The following DPP8 variants were observed in gnomAD, a reference collection of about 807,000 sequenced individuals.
DPP8 encodes the protein DPP VIII.
Under a neutral mutation model 107.5 loss-of-function variants are expected in DPP8, and 31 were observed. That is an observed-to-expected ratio of 0.29 (90% CI 0.22 to 0.39). The LOEUF (loss-of-function observed/expected upper bound fraction) is 0.39. Ranked by LOEUF, DPP8 falls within the 10% of genes least tolerant of loss-of-function variation. DPP8 has a pLI of 1.00. For synonymous variants in DPP8, 381 were observed against 356.6 expected, an observed-to-expected ratio of 1.07 and a Z score of -0.77; for missense variants, 842 against 1,076.1, an observed-to-expected ratio of 0.78 and a Z score of 3.04.
At chr15:65,492,384 T>C (rs1034251387) in intron 5 of DPP8, among the ~76,000 whole-genome samples, 3 of 152,134 alleles carry the variant, frequency 2.0e-5, no homozygotes, top group Non-Finnish European at 2.9e-5. Flanking sequence ...TGTGTTTTTA[T>C]TTCTAAGTAA....
chr15:65,480,199 C>T, intron 10 of DPP8, 23 bp downstream of exon 10: 2 of 1,585,218 alleles, frequency 1.3e-6, no homozygotes, highest in Non-Finnish European at 1.7e-6. Context: ...AATATTTAAA[C>T]AAATACAGGA....
In DPP8 at chr15:65,480,520, A is replaced by G. The variant is rs1340572084; in HGVS notation, c.1119-121T>C. 1.6e-5 allele frequency: 9 copies of G among 578,084 alleles called. No homozygotes were observed. The Admixed American group carries it at 2.5e-4, about 16-fold the overall frequency. The allele number at this position is 578,084 out of a possible 1,614,324, so 35.8% of individuals were successfully genotyped here. A position where few individuals can be genotyped will look rare whatever the true frequency, so the allele number is the denominator to read the frequency against. ...GTAATCACCATGAAAGAACTGCTTT[A>G]GTGTATATTAAATTATCACTTACAA... On this transcript the variant is annotated intron_variant, in intron 9 of 19. Coordinates refer to ENST00000300141, the MANE Select transcript of DPP8 (RefSeq NM_130434.5).
At chr15:65,464,656 C>A (rs969872831) in intron 14 of DPP8, among the ~76,000 whole-genome samples, 1 of 152,200 alleles carries the variant, frequency 6.6e-6, no homozygotes, top group African/African-American at 2.4e-5. Context: ...CGCCACTGCA[C>A]TCCAGCCTGA....
chr15:65,504,479 G>C (rs1404924130), intron 3 of DPP8, among the ~76,000 whole-genome samples: 1 of 151,710 alleles, frequency 6.6e-6, no homozygotes, highest in Admixed American at 6.6e-5. Flanking sequence ...AGACCATCCT[G>C]GCCAACATGG....
chr15:65,490,767 A>G (rs1293315907), intron 5 of DPP8, among the ~76,000 whole-genome samples: 1 of 152,126 alleles, frequency 6.6e-6, no homozygotes, highest in South Asian at 2.1e-4. Context: ...CATCTCATTC[A>G]GTTGGAGCAG....
chr15:65,451,106 T>A lies in DPP8; in HGVS notation c.2419A>T (p.Asn807Tyr). 1 of 1,601,230 alleles carries A rather than the reference T, an allele frequency of 6.2e-7. No homozygotes were observed. Among genetic ancestry groups the A allele is most frequent in the Non-Finnish European group, 8.6e-7 (1 of 1,169,178 alleles). Residue 807 changes from asparagine (N) to tyrosine (Y), a missense_variant, in exon 19 of 20, where the codon AAT becomes TAT. Physicochemically the swap from Asn to Tyr is moderately radical, Grantham distance 143. This residue lies in a region of DPP8 where 179 missense variants were observed against 318.0 expected (regional missense o/e 0.56). Transcript: ENST00000300141. ...AAACCATGTAAGAGCAGTAAACGAT[T>A]TGGTCTGGAGAAATGGAAATATTAG... ...MQAEKFPSEP[N>Y]RLLLLHGFLD...
intron 16 of DPP8, among the ~76,000 whole-genome samples, chr15:65,454,644 A>G (rs1228177132): frequency 6.6e-6 from 1 of 152,178 alleles, no homozygotes; most frequent in Non-Finnish European, 1.5e-5. Context: ...CTCCTGCCTC[A>G]GCCTCCCAAG....
At position 65,510,013 on chromosome 15, in the gene DPP8, C is replaced by A. The variant is rs570891456; in HGVS notation, c.259+2282G>T. ...TCCAGCCTGGGCAACAGAGTGAGAC[C>A]GCCATCTCAAAAAAAACAAAAAACA... On this transcript the variant is annotated intron_variant, in intron 2 of 19. Transcript: ENST00000300141. Among the ~76,000 whole-genome samples, 3 of 151,066 alleles carry A rather than the reference C, an allele frequency of 2.0e-5. No individual in the cohort carries two copies. In the South Asian group the frequency reaches 6.3e-4, roughly 32 times the overall value.
chr15:65,496,933 AGGCTGGAGTGCAGT>A (rs1474198699), intron 5 of DPP8, among the ~76,000 whole-genome samples: 1 of 152,000 alleles, frequency 6.6e-6, no homozygotes, highest in African/African-American at 2.4e-5. Context: ...TCTCTTGCCC[AGGCTGGAGTGCAGT>A]GGCGCAGTCT....
chr15:65,483,113 A>G (rs540531230), intron 8 of DPP8, among the ~76,000 whole-genome samples: 1 of 152,084 alleles, frequency 6.6e-6, no homozygotes, highest in Admixed American at 6.6e-5. Context: ...ATAAATAAAT[A>G]AAATAAAAAA....
chr15:65,496,030 C>G (rs148189333), intron 5 of DPP8, among the ~76,000 whole-genome samples: 1,703 of 151,410 alleles, frequency 0.011, 36 homozygotes, highest in African/African-American at 0.04. Context: ...GTCGCCCAGG[C>G]TGGAATGCAG....
At chr15:65,502,340 AT>A (rs1567273583) in intron 3 of DPP8, among the ~76,000 whole-genome samples, 1 of 151,796 alleles carries the variant, frequency 6.6e-6, no homozygotes, top group Non-Finnish European at 1.5e-5. Flanking sequence ...AATCTCTGTG[AT>A]TTTCTTTTCC....
At chr15:65,472,079 A>C (rs910266501) in intron 12 of DPP8, among the ~76,000 whole-genome samples, 2 of 152,104 alleles carry the variant, frequency 1.3e-5, no homozygotes, top group African/African-American at 2.4e-5. Context: ...TCAAAAACGC[A>C]ATTTTTTTTT....
chr15:65,500,603 T>A lies in DPP8; in HGVS notation c.546+3A>T, dbSNP rs768546688. On this transcript the variant is annotated splice_donor_region_variant and intron_variant, in intron 4 of 19. Coordinates refer to ENST00000300141, the MANE Select transcript of DPP8 (RefSeq NM_130434.5). Reference sequence around the variant, plus strand: ...GATTTAATCACTAGCAACTCCAACTTACCGTAAATCCTTGTGGCCCTCCAT... The same window carrying A: ...GATTTAATCACTAGCAACTCCAACTAACCGTAAATCCTTGTGGCCCTCCAT... The A allele has an allele frequency of 6.2e-7, 1 of 1,613,324 alleles. No homozygotes were observed.
intron 7 of DPP8, among the ~76,000 whole-genome samples, chr15:65,485,599 G>A (rs927196488): frequency 2.0e-5 from 3 of 149,016 alleles, no homozygotes; most frequent in Non-Finnish European, 4.5e-5. Flanking sequence ...GAATAGTAAT[G>A]CTTACCCAAA....
intron 3 of DPP8, among the ~76,000 whole-genome samples, chr15:65,504,756 A>T (rs2069743724): frequency 6.8e-6 from 1 of 147,604 alleles, no homozygotes; most frequent in Non-Finnish European, 1.5e-5. Context: ...TCAAGGTGGG[A>T]GGATCGCTTG....
chr15:65,479,150 T>A (rs894380539), intron 10 of DPP8, 111 bp from the exon 11 acceptor site: 16 of 694,892 alleles, frequency 2.3e-5, no homozygotes, highest in African/African-American at 3.8e-5. Flanking sequence ...TAAATAACCA[T>A]CAATGCCAAA....
chr15:65,515,327 T>C (rs1247845589), intron 1 of DPP8, among the ~76,000 whole-genome samples: 1 of 152,218 alleles, frequency 6.6e-6, no homozygotes, highest in Non-Finnish European at 1.5e-5. Context: ...TACTAAGCCC[T>C]GGACACTCTA....
intron 1 of DPP8, among the ~76,000 whole-genome samples, chr15:65,514,813 G>T (rs1389620857): frequency 6.6e-6 from 1 of 152,040 alleles, no homozygotes; most frequent in Non-Finnish European, 1.5e-5. Context: ...CCCGGCCAAC[G>T]GACCCAGTTT....
Sources: allele counts gnomAD v4.1 joint callset (sites outside exome capture counted in the v4.1 genomes callset), GRCh38; gene constraint gnomAD v4.1.1; regional missense constraint gnomAD v4.1.1; transcripts MANE v1.5; gene names NCBI Gene and HGNC (gene_info 2026-07-23, HGNC 2026-07-21).